The following CEP131 variants were observed in gnomAD, a reference collection of about 807,000 sequenced individuals.
CEP131 encodes centrosomal protein 131, also known as centrosomal protein of 131 kDa.
In CEP131, 99 loss-of-function variants were observed where a neutral mutation model predicts 136.8. That is an observed-to-expected ratio of 0.72 (90% CI 0.62 to 0.86). The LOEUF (loss-of-function observed/expected upper bound fraction) is 0.86, where lower values mean the gene tolerates loss of function less well. Ranked by LOEUF, CEP131 falls within the 40% of genes least tolerant of loss-of-function variation. The probability of loss-of-function intolerance (pLI) is 0.00; values close to 1 mark genes in which losing one functional copy is unlikely to be tolerated. For missense variants in CEP131, 1,459 were observed against 1,463.0 expected, an observed-to-expected ratio of 1.00 and a Z score of 0.04; for synonymous variants, 646 against 612.7, an observed-to-expected ratio of 1.05 and a Z score of -0.80.
At chr17:81,210,754 G>C (rs2062114189) in intron 2 of CEP131, among the ~76,000 whole-genome samples, 1 of 149,656 alleles carries the variant, frequency 6.7e-6, no homozygotes, top group South Asian at 2.1e-4. Flanking sequence ...CCCAGGAAAA[G>C]AGACCTATGA....
rs1344041877 is a variant in CEP131, at chr17:81,203,376, T to C, written c.629+118A>G. ...CACTGACCGCATGCCCTGACCAAGG[T>C]AGAACCCTGTGTGAACTGACCGCGT... On this transcript the variant is annotated intron_variant, in intron 6 of 25. Coordinates refer to ENST00000450824, the MANE Select transcript of CEP131 (RefSeq NM_014984.4). The surrounding 1 kb of genome is among the most constrained non-coding windows in gnomAD (Gnocchi z 4.6). 5 of 789,058 alleles carry C rather than the reference T, an allele frequency of 6.3e-6. No homozygotes were observed. Among genetic ancestry groups the C allele is most frequent in the Non-Finnish European group, 1.0e-5 (5 of 488,020 alleles). The allele number at this position is 789,058 out of a possible 1,614,324, so 48.9% of individuals were successfully genotyped here. A position where few individuals can be genotyped will look rare whatever the true frequency, so the allele number is the denominator to read the frequency against.
At chr17:81,204,864 C>A (rs1041388979) in intron 5 of CEP131, among the ~76,000 whole-genome samples, 1 of 152,028 alleles carries the variant, frequency 6.6e-6, no homozygotes, top group Non-Finnish European at 1.5e-5. Context: ...GTTCTTGGAG[C>A]GCGGCTCATC....
At chr17:81,204,904 C>G (rs2061970624) in intron 5 of CEP131, among the ~76,000 whole-genome samples, 1 of 152,170 alleles carries the variant, frequency 6.6e-6, no homozygotes, top group African/African-American at 2.4e-5. Flanking sequence ...AATAACCTAC[C>G]AGGACTGATT....
intron 2 of CEP131, among the ~76,000 whole-genome samples, chr17:81,218,932 G>A (rs889956230): frequency 2.3e-4 from 35 of 152,352 alleles, no homozygotes; most frequent in African/African-American, 7.9e-4. Context: ...CCTCAGGCAG[G>A]GAGCCCCAGA....
At chr17:81,221,565 T>C (rs976024198) in intron 1 of CEP131, among the ~76,000 whole-genome samples, 1 of 152,006 alleles carries the variant, frequency 6.6e-6, no homozygotes, top group African/African-American at 2.4e-5. Flanking sequence ...ACAGCCTCCC[T>C]GGTTCTCCTC....
At chr17:81,206,707 C>A (rs1003844003) in intron 5 of CEP131, 37 bp downstream of exon 5, 1 of 1,580,024 alleles carries the variant, frequency 6.3e-7, no homozygotes, top group East Asian at 2.2e-5. Flanking sequence ...AGGAGCTTCC[C>A]ACTGGTGCCC....
intron 2 of CEP131, among the ~76,000 whole-genome samples, chr17:81,213,892 T>C (rs1233431850): frequency 6.6e-6 from 1 of 152,258 alleles, no homozygotes; most frequent in East Asian, 1.9e-4. Context: ...CACCACCCAG[T>C]CTGATCACGA....
rs538499825 is a variant in CEP131 at position 81,215,475 on chromosome 17, G to A, written c.177+4405C>T. On this transcript the variant is annotated intron_variant, in intron 2 of 25. Coordinates refer to ENST00000450824, the MANE Select transcript of CEP131 (RefSeq NM_014984.4). The surrounding 1 kb of genome is among the most constrained non-coding windows in gnomAD (Gnocchi z 4.1). ...CACCCAGGCTAGAGTGTGGTGGTGC[G>A]ATCTTGGCTCACTGCAACCTCCAGC... is the stretch of plus-strand genomic sequence containing the variant. Among the ~76,000 whole-genome samples the A allele has an allele frequency of 6.6e-6, 1 of 151,960 alleles. No individual in the cohort carries two copies. The highest frequency in any genetic ancestry group is 1.9e-4 in the East Asian group (1 of 5,180).
intron 10 of CEP131, 86 bp downstream of exon 10, chr17:81,199,295 G>C (rs910331951): frequency 7.1e-7 from 1 of 1,409,962 alleles, no homozygotes; most frequent in Admixed American, 2.3e-5. Flanking sequence ...CAGCACAGGA[G>C]GCCGAGAGGA....
At position 81,193,983 on chromosome 17, in the gene CEP131, T is replaced by TGCTCCCGCA; in HGVS notation, c.2255_2263dup (p.Leu752_Glu754dup). 1.3e-6 allele frequency: 2 copies of TGCTCCCGCA among 1,550,012 alleles called. No homozygotes were observed. The highest frequency in any genetic ancestry group is 1.7e-6 in the Non-Finnish European group (2 of 1,148,096). On this transcript the variant is annotated inframe_insertion, in exon 18 of 26. Coordinates refer to ENST00000450824, the MANE Select transcript of CEP131 (RefSeq NM_014984.4). ...CAGCGCCTCCTTCTCCCGCTCCAGC[T>TGCTCCCGCA]GCTCCCGCAGCTCCTCGGCCTGGCG...
At chr17:81,207,970 C>A (rs1259982450) in intron 3 of CEP131, among the ~76,000 whole-genome samples, 2 of 60,294 alleles carry the variant, frequency 3.3e-5, no homozygotes, top group Non-Finnish European at 7.3e-5. Flanking sequence ...CACACACACA[C>A]CACACATGCA....
intron 1 of CEP131, among the ~76,000 whole-genome samples, chr17:81,221,918 C>T (rs2062397598): frequency 1.3e-5 from 2 of 152,200 alleles, no homozygotes; most frequent in Admixed American, 6.5e-5. Context: ...AGCCCGGCAC[C>T]CCACAGCAGG....
chr17:81,196,693 C>T lies in CEP131; in HGVS notation c.1899+8G>A. 1 of 1,601,348 alleles carries T rather than the reference C, an allele frequency of 6.2e-7. No individual in the cohort carries two copies. Among genetic ancestry groups the T allele is most frequent in the Non-Finnish European group, 8.5e-7 (1 of 1,177,812 alleles). On this transcript the variant is annotated splice_region_variant and intron_variant, in intron 15 of 25. Coordinates refer to ENST00000450824, the MANE Select transcript of CEP131 (RefSeq NM_014984.4). Reference sequence around the variant, plus strand: ...GGTCCGGGCCTCTGCGCTCCCCGGGCCGCTCACCTGGTCAATGAAGGCCAA... The same window carrying T: ...GGTCCGGGCCTCTGCGCTCCCCGGGTCGCTCACCTGGTCAATGAAGGCCAA...
At position 81,222,385 on chromosome 17, in the gene CEP131, C is replaced by T. The variant is rs2062407239; in HGVS notation, c.-18+384G>A. Among the ~76,000 whole-genome samples the T allele has an allele frequency of 2.6e-5, 4 of 152,346 alleles. No homozygotes were observed. In the South Asian group the frequency reaches 8.3e-4, roughly 32 times the overall value. The stretch of plus-strand genomic sequence containing the variant: ...CTCCACTTGTCCTCAGGGCAGCTCC[C>T]ATCTCCCCATTTTCCCCAGGGCTTA... On this transcript the variant is annotated intron_variant, in intron 1 of 25. Coordinates refer to ENST00000450824, the MANE Select transcript of CEP131 (RefSeq NM_014984.4).
rs1191310529 is a variant in CEP131, at chr17:81,196,741, T to C, written c.1859A>G (p.Tyr620Cys). 8.7e-6 allele frequency: 14 copies of C among 1,602,934 alleles called. No individual in the cohort carries two copies. Among genetic ancestry groups the C allele is most frequent in the Non-Finnish European group, 1.2e-5 (14 of 1,176,992 alleles). Residue 620 changes from tyrosine to cysteine, a missense_variant, in exon 15 of 26, where the codon TAC (tyrosine) becomes TGC (cysteine). Physicochemically the swap from Tyr to Cys is radical, Grantham distance 194. This residue lies in a region of CEP131 where 1,026 missense variants were observed against 964.2 expected (regional missense o/e 1.06). Coordinates refer to ENST00000450824, the MANE Select transcript of CEP131 (RefSeq NM_014984.4). ...SRQLQRQREH[Y>C]EATIQRHLAF... ...CAAGTGCCGCTGGATGGTGGCCTCG[T>C]AGTGCTCCCTCTGCCGCTGCAGCTG...
Position 81,200,456 on chromosome 17 carries a change from G to C in CEP131, c.789-10C>G, listed in dbSNP as rs1268979247. On this transcript the variant is annotated splice_polypyrimidine_tract_variant and intron_variant, in intron 7 of 25. Coordinates refer to ENST00000450824, the MANE Select transcript of CEP131 (RefSeq NM_014984.4). ...CACCTGGTGGATAAACCTGCCCGGA[G>C]AGCAGGACTCAGGGCCAAGACAGGA... 1.3e-6 allele frequency: 2 copies of C among 1,541,660 alleles called. No homozygotes were observed. The highest frequency in any genetic ancestry group is 1.8e-6 in the Non-Finnish European group (2 of 1,140,604).
chr17:81,216,869 C>T (rs1031316763), intron 2 of CEP131, among the ~76,000 whole-genome samples: 4 of 152,178 alleles, frequency 2.6e-5, no homozygotes, highest in South Asian at 2.1e-4. Context: ...GGGTCAGTTT[C>T]GCAGCCTCCA....
At position 81,195,420 on chromosome 17, in the gene CEP131, G is replaced by A. The variant is rs186668752; in HGVS notation, c.2016+415C>T. ...CAAGCTGGTGGGAAGCATAGCCAGG[G>A]AGGCTGAGGCCCCCAGGGAGCTCAC... On this transcript the variant is annotated intron_variant, in intron 16 of 25. Transcript: ENST00000450824. Among the ~76,000 whole-genome samples the A allele has an allele frequency of 2.1e-3, 315 of 152,348 alleles. 1 individual carries two copies. Among genetic ancestry groups the A allele is most frequent in the Non-Finnish European group, 3.8e-3 (258 of 68,026 alleles).
In CEP131 at chr17:81,196,950, G is replaced by A; in HGVS notation, c.1753C>T (p.Leu585=). ...GTTACCAGCGCTCTCTGCAGCAGCAGCATGGCCTGCTTCTTCTCCTCCACC... is the reference window on the plus strand; with the variant it reads ...GTTACCAGCGCTCTCTGCAGCAGCAACATGGCCTGCTTCTTCTCCTCCACC... ...LEVEEKKQAM[L]LLQRALAQQR... is the part of the protein sequence containing the mutation. The change falls in exon 14 of 26, where the codon CTG becomes TTG. Residue 585 remains leucine (L), a synonymous_variant. Transcript: ENST00000450824. 6.2e-7 allele frequency: 1 copy of A among 1,609,164 alleles called. No homozygotes were observed. Among genetic ancestry groups the A allele is most frequent in the Non-Finnish European group, 8.5e-7 (1 of 1,178,268 alleles).
Sources: gnomAD v4.1 joint callset for allele counts (sites outside exome capture counted in the v4.1 genomes callset) on GRCh38, gnomAD v4.1.1 for gene constraint, gnomAD v4.1.1 regional missense constraint, Gnocchi (gnomAD v3.1) non-coding constraint, MANE v1.5 for transcripts, NCBI Gene and HGNC (gene_info 2026-07-23, HGNC 2026-07-21) for gene names.